HCLS1: variants seen among roughly 807,000 people sequenced by gnomAD.
The protein encoded by HCLS1 is hematopoietic cell-specific Lyn substrate 1, also known as hematopoietic lineage cell-specific protein.
In HCLS1, 44 loss-of-function variants were observed where a neutral mutation model predicts 68.6. The observed-to-expected ratio is 0.64, with a 90% confidence interval of 0.50 to 0.82. HCLS1 has a LOEUF of 0.82. Ranked by LOEUF, HCLS1 falls within the 40% of genes least tolerant of loss-of-function variation. The pLI is 0.00. For synonymous variants in HCLS1, 217 were observed against 225.8 expected (o/e 0.96, Z 0.35); for missense variants, 602 against 612.1 (o/e 0.98, Z 0.17).
rs2049098419 is a variant in HCLS1 at position 121,631,675 on chromosome 3, G to A, written c.*171C>T. ...CAGGATAGAGAGGACTCTTGGGGAA[G>A]GGGACCTCCTTCCCCATGCTGTCTC... On this transcript the variant is annotated 3_prime_UTR_variant, in exon 14 of 14. Coordinates refer to ENST00000314583, the MANE Select transcript of HCLS1 (RefSeq NM_005335.6). The A allele has an allele frequency of 1.6e-6, 1 of 639,182 alleles. No homozygotes were observed. Among genetic ancestry groups the A allele is most frequent in the Non-Finnish European group, 2.7e-6 (1 of 371,184 alleles). 39.6% of individuals were successfully genotyped at this position (639,182 alleles called of 1,614,324 possible).
At chr3:121,634,109 G>A in intron 10 of HCLS1, 98 bp downstream of exon 10, 1 of 1,576,040 alleles carries the variant, frequency 6.3e-7, no homozygotes. Flanking sequence ...TAACCCAGGG[G>A]AGGACTTTGC....
intron 6 of HCLS1, among the ~76,000 whole-genome samples, chr3:121,637,669 C>G (rs1441131012): frequency 6.6e-6 from 1 of 152,142 alleles, no homozygotes; most frequent in Non-Finnish European, 1.5e-5. Flanking sequence ...GAGCACGGTG[C>G]TCATGCCTGT....
chr3:121,631,550 A>C lies in HCLS1; in HGVS notation c.*296T>G. On this transcript the variant is annotated 3_prime_UTR_variant, in exon 14 of 14. Transcript: ENST00000314583. ...ACTTTCCCGGGTAAACAAACTGGGA[A>C]GCCCAGAGCTCACAGAGGAGGAGAG... is the stretch of plus-strand genomic sequence containing the variant. 6.1e-6 allele frequency: 2 copies of C among 330,272 alleles called. No homozygotes were observed. The highest frequency in any genetic ancestry group is 1.1e-4 in the East Asian group (2 of 18,520). The allele number at this position is 330,272 out of a possible 1,614,324, so 20.5% of individuals were successfully genotyped here. A position where few individuals can be genotyped will look rare whatever the true frequency, so the allele number is the denominator to read the frequency against.
chr3:121,652,609 G>A (rs1254237851), intron 3 of HCLS1, among the ~76,000 whole-genome samples: 2 of 152,034 alleles, frequency 1.3e-5, no homozygotes, highest in Admixed American at 6.5e-5. Context: ...TCAGTGAGCC[G>A]AGATCGTACC....
rs567289764 is a variant in HCLS1, at chr3:121,647,639, C to G, written c.159-191G>C. Among the ~76,000 whole-genome samples, 73 of 152,338 alleles carry G rather than the reference C, an allele frequency of 4.8e-4. 1 individual carries two copies. In the South Asian group the frequency reaches 6.4e-3, roughly 13 times the overall value. On this transcript the variant is annotated intron_variant, in intron 3 of 13. Coordinates refer to ENST00000314583, the MANE Select transcript of HCLS1 (RefSeq NM_005335.6). ...TGCATACCATAGCCTGATTTAAACT[C>G]TCCATAGGCCAATAATATTTCCTCT...
At chr3:121,658,148 G>T in intron 2 of HCLS1, 116 bp downstream of exon 2, 1 of 756,560 alleles carries the variant, frequency 1.3e-6, no homozygotes, top group Non-Finnish European at 2.4e-6. Context: ...CAGTATGAGG[G>T]CTGTCTCAGT....
intron 5 of HCLS1, 94 bp from the exon 6 acceptor site, chr3:121,643,075 G>T: frequency 1.1e-6 from 1 of 940,660 alleles, no homozygotes. Context: ...CCCAGAGGTA[G>T]TTTGTAGGGG....
intron 6 of HCLS1, among the ~76,000 whole-genome samples, chr3:121,639,265 C>A (rs2049176617): frequency 6.6e-6 from 1 of 152,102 alleles, no homozygotes; most frequent in Non-Finnish European, 1.5e-5. Flanking sequence ...ATACTTTTTT[C>A]ATGCATATAG....
Position 121,635,747 on chromosome 3 carries a change from G to T in HCLS1, c.679C>A (p.Pro227Thr), listed in dbSNP as rs1366093532. The T allele has an allele frequency of 1.9e-6, 3 of 1,613,760 alleles. No individual in the cohort carries two copies. The highest frequency in any genetic ancestry group is 2.5e-6 in the Non-Finnish European group (3 of 1,179,818). ...CACTAAGCCTCACCGGCTTCTATGG[G>T]CGTCGTCTTCTTATAAGCTGTGGTC... ...APTTAYKKTTPIEAASSGTRG... is the reference protein window; with the variant it reads ...APTTAYKKTTTIEAASSGTRG... Residue 227 changes from proline to threonine, a missense_variant, in exon 9 of 14, where the codon CCC becomes ACC. Pro to Thr is a conservative substitution (Grantham distance 38, BLOSUM62 -1). Transcript: ENST00000314583.
rs1002845893 is a variant in HCLS1 at position 121,648,636 on chromosome 3, G to A, written c.159-1188C>T. On this transcript the variant is annotated intron_variant, in intron 3 of 13. Transcript: ENST00000314583. ...AGACACATTGGTTATACGTAGAATG[G>A]CTGTCTCACAGCAGAAATTGTCTTC... Among the ~76,000 whole-genome samples, 4 of 152,344 alleles carry A rather than the reference G, an allele frequency of 2.6e-5. No homozygotes were observed. The South Asian group carries it at 8.3e-4, about 32-fold the overall frequency.
intron 9 of HCLS1, 79 bp from the exon 10 acceptor site, chr3:121,634,497 G>C (rs1467007622): frequency 7.6e-7 from 1 of 1,323,506 alleles, no homozygotes; most frequent in Non-Finnish European, 1.1e-6. Context: ...AGGAAGAAGG[G>C]GAATCAGTTA....
chr3:121,632,305 T>C (rs2049105146), intron 12 of HCLS1, 27 bp downstream of exon 12: 1 of 1,611,378 alleles, frequency 6.2e-7, no homozygotes, highest in Non-Finnish European at 8.5e-7. Flanking sequence ...ATGAGCAAAT[T>C]CTCCTGCTTC....
In HCLS1 at chr3:121,658,308, C is replaced by A. The variant is rs930127980; in HGVS notation, c.40G>T (p.Val14Leu). 6.2e-7 allele frequency: 1 copy of A among 1,613,924 alleles called. No individual in the cohort carries two copies. The highest frequency in any genetic ancestry group is 8.5e-7 in the Non-Finnish European group (1 of 1,179,912). The change falls in exon 2 of 14, where the codon GTG becomes TTG. Residue 14 changes from valine (V) to leucine (L), a missense_variant. Physicochemically the swap from Val to Leu is conservative, Grantham distance 32 (BLOSUM62 1). Transcript: ENST00000314583. ...SVVGHDVSVS[V>L]ETQGDDWDTD... ...TCCCAATCATCACCCTGGGTCTCCACGGAAACAGACACATCATGGCCCACT... is the reference window on the plus strand; with the variant it reads ...TCCCAATCATCACCCTGGGTCTCCAAGGAAACAGACACATCATGGCCCACT...
intron 12 of HCLS1, 62 bp downstream of exon 12, chr3:121,632,270 T>C (rs2049104823): frequency 1.3e-6 from 2 of 1,599,382 alleles, no homozygotes; most frequent in Non-Finnish European, 1.7e-6. Flanking sequence ...AGAGAAATTC[T>C]TCTTCCTCTT....
At position 121,634,284 on chromosome 3, in the gene HCLS1, G is replaced by A. The variant is rs1560136841; in HGVS notation, c.826C>T (p.Pro276Ser). 1.2e-6 allele frequency: 2 copies of A among 1,614,162 alleles called. No homozygotes were observed. Among genetic ancestry groups the A allele is most frequent in the Non-Finnish European group, 8.5e-7 (1 of 1,180,040 alleles). ...QERKAVTKRS[P>S]EAPQPVIAME... ...GCTATCACTGGCTGTGGAGCCTCAG[G>A]GCTCCTCTTTGTCACAGCCTTTCGC... The change falls in exon 10 of 14, where the codon CCT (proline) becomes TCT (serine). Residue 276 changes from proline (P) to serine (S), a missense_variant. By Grantham distance (74) the Pro-to-Ser change is moderately conservative. Transcript: ENST00000314583.
At chr3:121,635,885 G>A (rs1396917316) in intron 8 of HCLS1, 81 bp from the exon 9 acceptor site, 1 of 1,075,634 alleles carries the variant, frequency 9.3e-7, no homozygotes, top group South Asian at 1.2e-5. Context: ...GGGGGTTGGG[G>A]GCCACTATAA....
At chr3:121,656,390 GTCTACCTT>G (rs1219308782) in intron 3 of HCLS1, 2 of 152,178 alleles carry the variant, frequency 1.3e-5, no homozygotes, top group Non-Finnish European at 2.9e-5. Context: ...TATTTATTGT[GTCTACCTT>G]GCTACTAATG....
At chr3:121,648,950 A>G (rs1296963167) in intron 3 of HCLS1, among the ~76,000 whole-genome samples, 1 of 152,212 alleles carries the variant, frequency 6.6e-6, no homozygotes, top group Non-Finnish European at 1.5e-5. Flanking sequence ...CAACTGAAGT[A>G]TTCAGATGAA....
At chr3:121,649,514 C>T (rs1473256692) in intron 3 of HCLS1, among the ~76,000 whole-genome samples, 1 of 152,154 alleles carries the variant, frequency 6.6e-6, no homozygotes, top group African/African-American at 2.4e-5. Flanking sequence ...GGATTACAGG[C>T]GTGAGCCACC....
Sources: allele counts gnomAD v4.1 joint callset (sites outside exome capture counted in the v4.1 genomes callset), GRCh38; gene constraint gnomAD v4.1.1; transcripts MANE v1.5; gene names NCBI Gene and HGNC (gene_info 2026-07-23, HGNC 2026-07-21).